ZNF75D: variants seen among roughly 807,000 people sequenced by gnomAD.
ZNF75D encodes zinc finger protein 75.
A neutral mutation model predicts 33.3 loss-of-function variants in ZNF75D; 33 were observed. The observed-to-expected ratio is 0.99, with a 90% CI of 0.75 to 1.32. The LOEUF (loss-of-function observed/expected upper bound fraction) is 1.32, where lower values mean the gene tolerates loss of function less well. ZNF75D is among the 40% of genes most tolerant of loss of function. The pLI is 0.00. For synonymous variants in ZNF75D, 113 were observed against 130.6 expected, an observed-to-expected ratio of 0.87 and a Z score of 0.92; for missense variants, 338 against 367.5, an observed-to-expected ratio of 0.92 and a Z score of 0.66.
intron 1 of ZNF75D, among the ~76,000 whole-genome samples, chrX:135,325,758 C>T (rs370302332): frequency 2.7e-5 from 3 of 111,187 alleles, no homozygotes; most frequent in South Asian, 3.6e-4. Context: ...GGCTCCTGTG[C>T]GGCCTGAGCC....
At chrX:135,261,131 T>C (rs782523755) in intron 1 of ZNF75D, among the ~76,000 whole-genome samples, 4 of 112,764 alleles carry the variant, frequency 3.5e-5, no homozygotes, top group African/African-American at 1.3e-4. Context: ...GAATTCTGAG[T>C]TCTAATTTGA....
chrX:135,338,751 C>T (rs781856636), intron 1 of ZNF75D, among the ~76,000 whole-genome samples: 85 of 111,701 alleles, frequency 7.6e-4, no homozygotes, highest in African/African-American at 2.7e-3. Flanking sequence ...AATATAATCA[C>T]TTTTAGGCAA....
intron 1 of ZNF75D, among the ~76,000 whole-genome samples, chrX:135,316,288 T>C (rs1602639426): frequency 8.9e-6 from 1 of 112,091 alleles, no homozygotes; most frequent in African/African-American, 3.2e-5. Context: ...CCAAAAATGG[T>C]ATCCTTGGCT....
chrX:135,309,295 T>A (rs958526840), intron 1 of ZNF75D, among the ~76,000 whole-genome samples: 2 of 111,798 alleles, frequency 1.8e-5, no homozygotes, highest in Non-Finnish European at 3.8e-5. Flanking sequence ...CACAGCCCCA[T>A]GTGTGAGACA....
At chrX:135,296,372 T>C (rs1015956789) in intron 1 of ZNF75D, among the ~76,000 whole-genome samples, 4 of 112,044 alleles carry the variant, frequency 3.6e-5, no homozygotes, top group Non-Finnish European at 7.5e-5. Context: ...AGATTGTTCC[T>C]GCTGGCTTCC....
At chrX:135,259,076 G>C (rs1037304782) in intron 1 of ZNF75D, among the ~76,000 whole-genome samples, 3 of 111,649 alleles carry the variant, frequency 2.7e-5, no homozygotes, top group Non-Finnish European at 5.6e-5. Flanking sequence ...TCTTGTTTTT[G>C]TCAGGTTTGT....
chrX:135,294,071 C>G lies in ZNF75D; in HGVS notation c.70G>C (p.Gly24Arg). Residue 24 changes from glycine (G) to arginine (R), a missense_variant, in exon 3 of 7, where the codon GGG (glycine) becomes CGG (arginine). Around this residue, in one of 3 missense-constraint regions of ZNF75D, gnomAD observed 254 missense variants for 267.7 expected, o/e 0.95. Transcript: ENST00000370766. Reference sequence around the variant, plus strand: ...TGACTGGAGTTCTCTTTCACAGACCCACTAGTCTCCCACATAGCCCCCATC... The same window carrying G: ...TGACTGGAGTTCTCTTTCACAGACCGACTAGTCTCCCACATAGCCCCCATC... The part of the protein sequence containing the change: ...PQMGAMWETS[G>R]SVKENSSQSK... 8.3e-7 allele frequency: 1 copy of G among 1,209,872 alleles called. No homozygotes were observed. Among genetic ancestry groups the G allele is most frequent in the Non-Finnish European group, 1.1e-6 (1 of 894,093 alleles).
chrX:135,313,881 G>A (rs566554109), intron 1 of ZNF75D, among the ~76,000 whole-genome samples: 3 of 111,988 alleles, frequency 2.7e-5, no homozygotes, highest in African/African-American at 9.7e-5. Flanking sequence ...AGCTCTAAGA[G>A]TTTATTGGTG....
chrX:135,299,434 T>C (rs2084182054), intron 1 of ZNF75D, among the ~76,000 whole-genome samples: 1 of 112,308 alleles, frequency 8.9e-6, no homozygotes, highest in Admixed American at 9.4e-5. Context: ...TATATTTTCT[T>C]TGGAGAAACT....
chrX:135,279,131 G>A (rs1294845224), intron 1 of ZNF75D, among the ~76,000 whole-genome samples: 1 of 111,705 alleles, frequency 9.0e-6, no homozygotes, highest in Non-Finnish European at 1.9e-5. Context: ...GGCTTTTTTG[G>A]TTGGTAGGCT....
At position 135,298,386 on chromosome X, in the gene ZNF75D, A is replaced by G. The variant is rs1569490921; in HGVS notation, c.-390-2347T>C. 2.7e-5 allele frequency: 3 copies of G among 110,141 alleles called. No individual in the cohort carries two copies. The South Asian group carries it at 1.2e-3, about 43-fold the overall frequency. The allele number at this position is 110,141 out of a possible 1,213,427, so 9.1% of individuals were successfully genotyped here. ...AGACAGAGGTTGGACAACCTCACTG[A>G]TTTTTTTTTATTTTACAACTGAATT... On this transcript the variant is annotated intron_variant, in intron 1 of 6. Transcript: ENST00000370766.
downstream of ZNF75D, among the ~76,000 whole-genome samples, chrX:135,283,089 A>G (rs1337954395): frequency 8.9e-6 from 1 of 112,001 alleles, no homozygotes; most frequent in Non-Finnish European, 1.9e-5. Flanking sequence ...CCAGCCCTGG[A>G]GCAGAACTGC....
intron 1 of ZNF75D, among the ~76,000 whole-genome samples, chrX:135,338,165 A>G (rs1292643597): frequency 5.4e-5 from 6 of 111,091 alleles, no homozygotes; most frequent in East Asian, 2.9e-4. Context: ...GGTGCACTCA[A>G]CAGACCTGTT....
chrX:135,308,604 G>A (rs2084318596), intron 1 of ZNF75D, among the ~76,000 whole-genome samples: 1 of 111,974 alleles, frequency 8.9e-6, no homozygotes, highest in South Asian at 3.7e-4. Context: ...AATCTCTCTT[G>A]AGGTCAAAAT....
intron 1 of ZNF75D, among the ~76,000 whole-genome samples, chrX:135,314,095 T>C (rs2084391098): frequency 8.9e-6 from 1 of 112,009 alleles, no homozygotes; most frequent in Admixed American, 9.4e-5. Context: ...CTTCCAACTT[T>C]TCCCCATGAA....
At chrX:135,340,414 A>T (rs999286860) in intron 1 of ZNF75D, among the ~76,000 whole-genome samples, 1 of 112,442 alleles carries the variant, frequency 8.9e-6, no homozygotes, top group Non-Finnish European at 1.9e-5. Context: ...ATAATCTCTG[A>T]GCACAAGACC....
At position 135,300,949 on chromosome X, in the gene ZNF75D, G is replaced by A. The variant is rs147482761; in HGVS notation, c.-390-4910C>T. On this transcript the variant is annotated intron_variant, in intron 1 of 6. Transcript: ENST00000370766. ...TTGGCCAAGCATAAATATTCAACAG[G>A]CGTATTAGTCTGTTTTCACACTGCA... Among the ~76,000 whole-genome samples the A allele has an allele frequency of 5.4e-3, 606 of 111,342 alleles. 3 individuals are homozygous for A. Among genetic ancestry groups the A allele is most frequent in the African/African-American group, 0.019 (567 of 30,627 alleles).
intron 1 of ZNF75D, among the ~76,000 whole-genome samples, chrX:135,311,715 T>C (rs2084360983): frequency 8.9e-6 from 1 of 111,971 alleles, no homozygotes. Flanking sequence ...TTCCAGGCCC[T>C]GGCAGCCACC....
intron 3 of ZNF75D, 75 bp downstream of exon 3, chrX:135,293,655 T>C: frequency 1.0e-6 from 1 of 1,004,220 alleles, no homozygotes; most frequent in South Asian, 2.4e-5. Flanking sequence ...TGTCTAATTC[T>C]CTGATAACTC....
Sources: allele counts gnomAD v4.1 joint callset (sites outside exome capture counted in the v4.1 genomes callset), GRCh38; gene constraint gnomAD v4.1.1; regional missense constraint gnomAD v4.1.1; transcripts MANE v1.5; gene names NCBI Gene and HGNC (gene_info 2026-07-23, HGNC 2026-07-21).